Variants in PES1 observed in about 807,000 individuals in gnomAD.
PES1 encodes the protein pescadillo ribosomal biogenesis factor 1.
In PES1, 31 loss-of-function variants were observed where a neutral mutation model predicts 77.1. The observed-to-expected ratio is 0.40, with a 90% CI of 0.30 to 0.54. The LOEUF is 0.54. PES1 is among the 20% of genes least tolerant of loss of function. The pLI is 0.45. For missense variants in PES1, 658 were observed against 771.7 expected (o/e 0.85, Z 1.75); for synonymous variants, 282 against 303.0 (o/e 0.93, Z 0.72).
At chr22:30,587,142 C>T (rs556474341) in intron 4 of PES1, 144 bp downstream of exon 4, 2 of 647,132 alleles carry the variant, frequency 3.1e-6, no homozygotes, top group Admixed American at 5.6e-5. Context: ...AATTTGCTAG[C>T]TTGGTTTTTG....
chr22:30,578,392 G>A (rs2086932689), intron 14 of PES1, among the ~76,000 whole-genome samples: 1 of 152,146 alleles, frequency 6.6e-6, no homozygotes, highest in African/African-American at 2.4e-5. Flanking sequence ...CTATTCCAAG[G>A]GCAGGGCTGT....
At chr22:30,594,355 A>G (rs551514220), upstream of PES1, among the ~76,000 whole-genome samples, 16 of 152,078 alleles carry the variant, frequency 1.1e-4, no homozygotes, top group Admixed American at 2.6e-4. Context: ...CCCCATCTCT[A>G]CTAAAAATAC....
chr22:30,602,004 C>G (rs1200269734), intron 2 of PES1: 2 of 152,168 alleles, frequency 1.3e-5, no homozygotes, highest in Non-Finnish European at 2.9e-5. Flanking sequence ...TTCTCCTGAC[C>G]TTGTGATCCA....
chr22:30,591,843 T>C lies in PES1; in HGVS notation c.-10A>G. ...TCTCAAGGCCTCCCATCGCTCCACG[T>C]TGAGGAGCCGACTAGGGCCGCGCGT... is the stretch of plus-strand genomic sequence containing the variant. On this transcript the variant is annotated 5_prime_UTR_variant, in exon 1 of 15. Coordinates refer to ENST00000354694, the MANE Select transcript of PES1 (RefSeq NM_014303.4). 6.4e-7 allele frequency: 1 copy of C among 1,555,216 alleles called. No homozygotes were observed. The highest frequency in any genetic ancestry group is 8.7e-7 in the Non-Finnish European group (1 of 1,150,140).
intron 14 of PES1, among the ~76,000 whole-genome samples, chr22:30,578,565 C>T (rs746078763): frequency 6.4e-4 from 97 of 152,244 alleles, no homozygotes; most frequent in Non-Finnish European, 1.2e-3. Flanking sequence ...GCCGGGAAGG[C>T]TCTGTTTGCA....
intron 4 of PES1, among the ~76,000 whole-genome samples, chr22:30,585,833 A>G (rs758137380): frequency 5.3e-5 from 8 of 152,048 alleles, no homozygotes; most frequent in Non-Finnish European, 1.0e-4. Context: ...AGCATCACTC[A>G]CTGCTGCGAG....
upstream of PES1, chr22:30,592,533 A>G: frequency 1.8e-6 from 1 of 542,608 alleles, no homozygotes; most frequent in South Asian, 7.8e-5. Context: ...GCGGTGGCGC[A>G]CGCCTGTAAT....
chr22:30,581,135 G>GA, intron 8 of PES1, 34 bp from the exon 9 acceptor site: 1 of 1,545,078 alleles, frequency 6.5e-7, no homozygotes, highest in South Asian at 1.2e-5. Flanking sequence ...TGCAGTGGGG[G>GA]ACCTCATGCG....
In PES1 at chr22:30,578,850, C is replaced by A; in HGVS notation, c.1670G>T (p.Arg557Leu). 1 of 1,612,286 alleles carries A rather than the reference C, an allele frequency of 6.2e-7. No individual in the cohort carries two copies. Among genetic ancestry groups the A allele is most frequent in the Non-Finnish European group, 8.5e-7 (1 of 1,179,990 alleles). The change falls in exon 14 of 15, where the codon CGA (arginine) becomes CTA (leucine). Residue 557 changes from arginine to leucine, a missense_variant. Arg to Leu is a moderately radical substitution (Grantham distance 102). Coordinates refer to ENST00000354694, the MANE Select transcript of PES1 (RefSeq NM_014303.4). Reference protein sequence around the residue: ...LYQKIMFGKRRKIREANKLAE... With the variant: ...LYQKIMFGKRLKIREANKLAE... ...GCAAGAACTCACCTCTCGGATTTTT[C>A]GCCTCTTGCCAAACATGATCTTCTG...
intron 1 of PES1, among the ~76,000 whole-genome samples, chr22:30,605,750 A>G (rs2087428535): frequency 6.6e-6 from 1 of 152,130 alleles, no homozygotes; most frequent in African/African-American, 2.4e-5. Context: ...TGACTGGACA[A>G]CCTATCATTT....
At chr22:30,598,270 G>A (rs538616793) in intron 2 of PES1, 1 of 151,680 alleles carries the variant, frequency 6.6e-6, no homozygotes, top group East Asian at 1.9e-4. Flanking sequence ...AAAAAACTCC[G>A]AAAACATCCG....
At chr22:30,591,592 C>A (rs1238466588) in intron 1 of PES1, among the ~76,000 whole-genome samples, 1 of 152,168 alleles carries the variant, frequency 6.6e-6, no homozygotes, top group Non-Finnish European at 1.5e-5. Flanking sequence ...CTTTCACAGC[C>A]CTCTCCACAG....
At chr22:30,590,579 C>T (rs530179850) in intron 1 of PES1, among the ~76,000 whole-genome samples, 1 of 152,256 alleles carries the variant, frequency 6.6e-6, no homozygotes, top group African/African-American at 2.4e-5. Flanking sequence ...TTTTCCATTA[C>T]CTTATGCCAC....
intron 2 of PES1, chr22:30,601,875 T>A (rs1233645619): frequency 1.3e-5 from 2 of 151,816 alleles, no homozygotes; most frequent in East Asian, 3.9e-4. Context: ...CAGGTTCAAG[T>A]GATTCTCGTG....
Position 30,578,824 on chromosome 22 carries a change from G to A in PES1, c.1683+13C>T, listed in dbSNP as rs2146456840. On this transcript the variant is annotated intron_variant, in intron 14 of 14. Coordinates refer to ENST00000354694, the MANE Select transcript of PES1 (RefSeq NM_014303.4). The stretch of plus-strand genomic sequence containing the variant: ...GGCCACACCTGGATCTCAAGTGGGT[G>A]GCAAGAACTCACCTCTCGGATTTTT... The A allele has an allele frequency of 6.2e-7, 1 of 1,611,950 alleles. No individual in the cohort carries two copies.
chr22:30,588,314 T>C, intron 2 of PES1, 140 bp from the exon 3 acceptor site: 1 of 901,180 alleles, frequency 1.1e-6, no homozygotes, highest in South Asian at 1.7e-5. Flanking sequence ...AGTACATGAG[T>C]CTGACAGTCA....
At chr22:30,596,283 G>A (rs939836413), upstream of PES1, among the ~76,000 whole-genome samples, 3 of 152,140 alleles carry the variant, frequency 2.0e-5, no homozygotes, top group South Asian at 2.1e-4. Context: ...AGTTCAGCCA[G>A]GTTCCAGCTA....
chr22:30,582,577 C>T (rs943719455), intron 6 of PES1, among the ~76,000 whole-genome samples: 4 of 152,284 alleles, frequency 2.6e-5, no homozygotes, highest in African/African-American at 9.6e-5. Flanking sequence ...GGAGGCCGAG[C>T]CAGCCCATTT....
At chr22:30,582,681 G>A (rs143901236) in intron 6 of PES1, among the ~76,000 whole-genome samples, 4 of 152,140 alleles carry the variant, frequency 2.6e-5, no homozygotes, top group Non-Finnish European at 5.9e-5. Context: ...TAGCTGTTCC[G>A]CTATTCTGCT....
Sources: allele counts gnomAD v4.1 joint callset (sites outside exome capture counted in the v4.1 genomes callset), GRCh38; gene constraint gnomAD v4.1.1; transcripts MANE v1.5; gene names NCBI Gene and HGNC (gene_info 2026-07-23, HGNC 2026-07-21).